The following CALN1 variants were observed in gnomAD, a reference collection of about 807,000 sequenced individuals.
CALN1 encodes the protein calcium-binding protein 8.
A neutral mutation model predicts 30.6 loss-of-function variants in CALN1; 17 were observed. The ratio of observed to expected loss-of-function variants is 0.56; its 90% CI spans 0.38 to 0.83. CALN1 has a LOEUF of 0.83. Among genes scored for constraint, CALN1 ranks in the 40% least tolerant of loss-of-function variants. The probability of loss-of-function intolerance (pLI) is 0.00; values close to 1 mark genes in which losing one functional copy is unlikely to be tolerated. For missense variants in CALN1, 291 were observed against 354.9 expected, an observed-to-expected ratio of 0.82 and a Z score of 1.45; for synonymous variants, 156 against 131.4, an observed-to-expected ratio of 1.19 and a Z score of -1.28.
chr7:72,128,669 G>A (rs531219623), intron 3 of CALN1, among the ~76,000 whole-genome samples: 27 of 152,192 alleles, frequency 1.8e-4, no homozygotes, highest in African/African-American at 4.8e-4. Flanking sequence ...TCAGGAGTTC[G>A]AGACCAGCCT....
intron 3 of CALN1, among the ~76,000 whole-genome samples, chr7:72,139,718 G>T (rs575881700): frequency 6.6e-6 from 1 of 152,040 alleles, no homozygotes; most frequent in Non-Finnish European, 1.5e-5. Flanking sequence ...TAAGCTCCTC[G>T]GTCACCTCCA....
chr7:71,971,930 CAAAAAAAA>C (rs764756514), intron 5 of CALN1, among the ~76,000 whole-genome samples: 476 of 38,442 alleles, frequency 0.012, 1 homozygote, highest in African/African-American at 0.027. Flanking sequence ...GACCCTGTCT[CAAAAAAAA>C]AAAAAAAAAA....
intron 3 of CALN1, among the ~76,000 whole-genome samples, chr7:72,196,699 G>T (rs935175095): frequency 2.0e-5 from 3 of 152,194 alleles, no homozygotes; most frequent in Admixed American, 2.0e-4. Context: ...GGGAGAAATC[G>T]GAATGCAAAT....
chr7:72,049,979 T>C (rs543730079), intron 4 of CALN1, among the ~76,000 whole-genome samples: 8 of 141,982 alleles, frequency 5.6e-5, no homozygotes. Flanking sequence ...CTGGCTATAC[T>C]TTTTTTTTTT....
At chr7:72,379,389 G>C (rs1013551325) in intron 2 of CALN1, among the ~76,000 whole-genome samples, 2 of 152,200 alleles carry the variant, frequency 1.3e-5, no homozygotes, top group East Asian at 1.9e-4. Flanking sequence ...AATGGCAATG[G>C]TAATAGCTAA....
chr7:72,144,055 A>C (rs1810162937), intron 3 of CALN1, among the ~76,000 whole-genome samples: 1 of 152,236 alleles, frequency 6.6e-6, no homozygotes. Context: ...GGCTAGGAAG[A>C]AACTGCATCA....
chr7:72,120,080 T>C (rs528197357), intron 3 of CALN1, among the ~76,000 whole-genome samples: 3 of 152,210 alleles, frequency 2.0e-5, no homozygotes, highest in African/African-American at 4.8e-5. Context: ...TAGTGTCTAA[T>C]AGGTAATTTT....
rs373689449 is a variant in CALN1, at chr7:72,270,113, A to ATG, written c.244+8571_244+8572dup. 3.9e-3 allele frequency among the ~76,000 whole-genome samples: 582 copies of ATG among 150,870 alleles called. 2 individuals are homozygous for ATG. Among genetic ancestry groups the ATG allele is most frequent in the Middle Eastern group, 0.014 (4 of 292 alleles). ...TTTCCGTGTGTGTGTGTGTGTATGT[A>ATG]TGTGTGTGTGTGTGTTGAGAGAGAG... On this transcript the variant is annotated intron_variant, in intron 3 of 6. Coordinates refer to ENST00000395275, the MANE Select transcript of CALN1 (RefSeq NM_031468.4).
chr7:71,994,511 CAAAAAAA>C (rs367725464), intron 5 of CALN1, among the ~76,000 whole-genome samples: 4 of 44,056 alleles, frequency 9.1e-5, no homozygotes, highest in African/African-American at 3.4e-4. Flanking sequence ...GACTTCATCT[CAAAAAAA>C]AAAAAAAAAA....
chr7:72,274,540 T>C (rs1797215586), intron 3 of CALN1, among the ~76,000 whole-genome samples: 1 of 151,938 alleles, frequency 6.6e-6, no homozygotes, highest in African/African-American at 2.4e-5. Flanking sequence ...ACGAGATTAT[T>C]CAATAAATAG....
intron 1 of CALN1, among the ~76,000 whole-genome samples, chr7:72,424,336 C>T (rs1324466880): frequency 6.6e-6 from 1 of 152,148 alleles, no homozygotes; most frequent in Non-Finnish European, 1.5e-5. Context: ...GCAGAGGACC[C>T]ACTTGAGTTG....
intron 5 of CALN1, among the ~76,000 whole-genome samples, chr7:71,898,011 GGGGGGGGGA>G: frequency 1.4e-5 from 1 of 73,482 alleles, no homozygotes; most frequent in Non-Finnish European, 2.6e-5. Flanking sequence ...GAGGGAGGGA[GGGGGGGGGA>G]GAGAGAGAGA....
At chr7:72,465,259 C>T in the CALN1 span, among the ~76,000 whole-genome samples, 2 of 152,226 alleles carry the variant, frequency 1.3e-5, no homozygotes, top group Non-Finnish European at 2.9e-5. Flanking sequence ...CCAAGGTTAG[C>T]TCCCTGTGAT....
At chr7:71,876,831 G>A (rs1378736612) in intron 5 of CALN1, among the ~76,000 whole-genome samples, 3 of 152,100 alleles carry the variant, frequency 2.0e-5, no homozygotes, top group African/African-American at 7.2e-5. Flanking sequence ...CTAATGCTCC[G>A]ACCCACCACA....
upstream of CALN1, among the ~76,000 whole-genome samples, chr7:72,449,874 CAAAA>C (rs71069071): frequency 2.5e-4 from 13 of 52,372 alleles, no homozygotes; most frequent in Non-Finnish European, 5.4e-4. Context: ...GACTCCGTCT[CAAAA>C]AAAAAAAAAA....
At position 72,323,014 on chromosome 7, in the gene CALN1, G is replaced by A. The variant is rs190505380; in HGVS notation, c.120-44204C>T. ...AAAAGGACAGGGGAGGGGAGGGGAG[G>A]GGAAGGCACGCAAAAAAACCAATTT... On this transcript the variant is annotated intron_variant, in intron 2 of 6. Coordinates refer to ENST00000395275, the MANE Select transcript of CALN1 (RefSeq NM_031468.4). Among the ~76,000 whole-genome samples, 451 of 150,586 alleles carry A rather than the reference G, an allele frequency of 3.0e-3. 2 individuals are homozygous for A. Among genetic ancestry groups the A allele is most frequent in the Non-Finnish European group, 4.8e-3 (326 of 67,778 alleles).
intron 3 of CALN1, among the ~76,000 whole-genome samples, chr7:72,141,529 G>C (rs967149278): frequency 2.6e-5 from 4 of 151,984 alleles, no homozygotes; most frequent in African/African-American, 9.7e-5. Context: ...AACCTTTTGT[G>C]TCCGAGGGCT....
At chr7:72,381,935 T>C (rs1212327829) in intron 2 of CALN1, among the ~76,000 whole-genome samples, 4 of 152,000 alleles carry the variant, frequency 2.6e-5, no homozygotes, top group Non-Finnish European at 2.9e-5. Context: ...ATAAGAAAAA[T>C]GCTTAAGAAG....
intron 3 of CALN1, among the ~76,000 whole-genome samples, chr7:72,232,269 C>A (rs1341723085): frequency 6.6e-6 from 1 of 152,096 alleles, no homozygotes; most frequent in Non-Finnish European, 1.5e-5. Context: ...GAACCGTCAT[C>A]GCAGAGGTGA....
Sources: allele counts gnomAD v4.1 joint callset (sites outside exome capture counted in the v4.1 genomes callset), GRCh38; gene constraint gnomAD v4.1.1; transcripts MANE v1.5; gene names NCBI Gene and HGNC (gene_info 2026-07-23, HGNC 2026-07-21).